S100PBP: variants seen among roughly 807,000 people sequenced by gnomAD.
S100PBP encodes S100P-binding protein.
In S100PBP, 15 loss-of-function variants were observed where a neutral mutation model predicts 39.9. That is an observed-to-expected ratio of 0.38 (90% CI 0.25 to 0.58). The LOEUF (loss-of-function observed/expected upper bound fraction) is 0.58, where lower values mean the gene tolerates loss of function less well. S100PBP is among the 20% of genes least tolerant of loss of function. The probability of loss-of-function intolerance (pLI) is 0.70; values close to 1 mark genes in which losing one functional copy is unlikely to be tolerated. For synonymous variants in S100PBP, 178 were observed against 180.3 expected, an observed-to-expected ratio of 0.99 and a Z score of 0.10; for missense variants, 504 against 487.3, an observed-to-expected ratio of 1.03 and a Z score of -0.32.
chr1:32,850,520 A>G (rs1640565288), intron 5 of S100PBP, among the ~76,000 whole-genome samples: 1 of 152,136 alleles, frequency 6.6e-6, no homozygotes, highest in African/African-American at 2.4e-5. Flanking sequence ...TTTCTGATTT[A>G]TTTTTCCTTC....
intron 5 of S100PBP, chr1:32,835,598 TC>T (rs1180860943): frequency 2.0e-5 from 3 of 152,128 alleles, no homozygotes; most frequent in African/African-American, 4.8e-5. Flanking sequence ...CATTCTACTT[TC>T]TTTTTTTTTA....
Position 32,820,664 on chromosome 1 carries a change from T to C in S100PBP, c.-120+2975T>C, listed in dbSNP as rs547086983. Reference sequence around the variant, plus strand: ...GAGTATAATCATTGTATCTTTCCCATTGACTTCATAATTTTAAGATGTTTT... The same window carrying C: ...GAGTATAATCATTGTATCTTTCCCACTGACTTCATAATTTTAAGATGTTTT... On this transcript the variant is annotated intron_variant, in intron 1 of 6. Coordinates refer to ENST00000373475, the MANE Select transcript of S100PBP (RefSeq NM_022753.4). 4 of 152,300 alleles carry C rather than the reference T, an allele frequency of 2.6e-5. No homozygotes were observed. In the East Asian group the frequency reaches 5.8e-4, roughly 22 times the overall value. The allele number at this position is 152,300 out of a possible 1,614,324, so 9.4% of individuals were successfully genotyped here.
rs1334438649 is a variant in S100PBP, at chr1:32,826,560, C to T, written c.461C>T (p.Thr154Ile). The change falls in exon 3 of 7, where the codon ACA becomes ATA. Residue 154 changes from threonine (T) to isoleucine (I), a missense_variant. Transcript: ENST00000373475. ...GTAACTGTTGCACCATTTAATCCAA[C>T]AGTTTGTGATGCTCTGCTTGATAAG... ...IKVTVAPFNP[T>I]VCDALLDKDE... is the part of the protein sequence containing the mutation. 6.2e-7 allele frequency: 1 copy of T among 1,613,864 alleles called. No homozygotes were observed. Among genetic ancestry groups the T allele is most frequent in the South Asian group, 1.1e-5 (1 of 91,088 alleles).
rs982862118 is a variant in S100PBP, at chr1:32,856,773, A to G, written c.*735A>G. ...CATCTTACTTTGACAGAAGACTTAT[A>G]ATACCTTGTGGTCTTGAGACTGGTT... On this transcript the variant is annotated 3_prime_UTR_variant, in exon 7 of 7. Transcript: ENST00000373475. The G allele has an allele frequency of 6.6e-6, 1 of 152,378 alleles. No homozygotes were observed. Among genetic ancestry groups the G allele is most frequent in the Non-Finnish European group, 1.5e-5 (1 of 68,034 alleles). 9.4% of individuals were successfully genotyped at this position (152,378 alleles called of 1,614,324 possible). A position where few individuals can be genotyped will look rare whatever the true frequency, so the allele number is the denominator to read the frequency against.
intron 1 of S100PBP, among the ~76,000 whole-genome samples, chr1:32,821,458 G>A (rs1411177696): frequency 6.6e-6 from 1 of 151,548 alleles, no homozygotes; most frequent in Admixed American, 6.6e-5. Context: ...AATAGCTGGG[G>A]TTATAGGTGC....
At chr1:32,829,314 T>G (rs1639482215) in intron 4 of S100PBP, among the ~76,000 whole-genome samples, 1 of 152,234 alleles carries the variant, frequency 6.6e-6, no homozygotes. Context: ...CTTTATCCCA[T>G]TTAACTTTTC....
At chr1:32,817,014 G>A (rs77572572), upstream of S100PBP, 5,995 of 796,612 alleles carry the variant, frequency 7.5e-3, 251 homozygotes, top group African/African-American at 0.09. Flanking sequence ...GGGAACCCAG[G>A]GAAGGGCTGC....
chr1:32,832,995 T>TA (rs397717233), intron 5 of S100PBP, among the ~76,000 whole-genome samples: 22 of 152,116 alleles, frequency 1.4e-4, no homozygotes, highest in African/African-American at 5.3e-4. Context: ...GTTTTTTTTT[T>TA]ATAATAACAC....
chr1:32,818,447 C>G lies in S100PBP; in HGVS notation c.-120+758C>G, dbSNP rs967557940. 6 of 152,290 alleles carry G rather than the reference C, an allele frequency of 3.9e-5. No individual in the cohort carries two copies. The East Asian group carries it at 1.2e-3, about 29-fold the overall frequency. The allele number at this position is 152,290 out of a possible 1,614,324, so 9.4% of individuals were successfully genotyped here. On this transcript the variant is annotated intron_variant, in intron 1 of 6. Transcript: ENST00000373475. ...GAAAGCAGTTATTACCTCAGTGGGCCCTGGAAAGGTCCTAGAAGTGGTTGA... is the reference window on the plus strand; with the variant it reads ...GAAAGCAGTTATTACCTCAGTGGGCGCTGGAAAGGTCCTAGAAGTGGTTGA...
Position 32,853,123 on chromosome 1 carries a change from A to C in S100PBP, c.1069A>C (p.Met357Leu), listed in dbSNP as rs758931163. The change falls in exon 6 of 7, where the codon ATG (methionine) becomes CTG (leucine). Residue 357 changes from methionine to leucine, a missense_variant. Met to Leu is a conservative substitution (Grantham distance 15). Coordinates refer to ENST00000373475, the MANE Select transcript of S100PBP (RefSeq NM_022753.4). ...LCALMDQVHH[M>L]QHSKWQHPSD... Reference sequence around the variant, plus strand: ...TGCCTTGATGGATCAAGTTCATCATATGCAGCACTCAAAATGGCAGCATCC... The same window carrying C: ...TGCCTTGATGGATCAAGTTCATCATCTGCAGCACTCAAAATGGCAGCATCC... 2 of 1,613,424 alleles carry C rather than the reference A, an allele frequency of 1.2e-6. No individual in the cohort carries two copies. The highest frequency in any genetic ancestry group is 1.7e-6 in the Non-Finnish European group (2 of 1,179,868).
chr1:32,819,988 G>A (rs191088870), intron 1 of S100PBP, among the ~76,000 whole-genome samples: 9 of 152,030 alleles, frequency 5.9e-5, no homozygotes, highest in East Asian at 1.9e-4. Context: ...ATAATTTGCC[G>A]GATATTTCAG....
chr1:32,853,493 TG>T lies in S100PBP; in HGVS notation c.1112+337del, dbSNP rs4011934. ...CTAAAAAAAAAAAAAGAAAAGGCGG[TG>T]GGGGGGGGGCGCGTGAAATTTGGCT... On this transcript the variant is annotated intron_variant, in intron 6 of 6. Transcript: ENST00000373475. Among the ~76,000 whole-genome samples, 599 of 138,360 alleles carry T rather than the reference TG, an allele frequency of 4.3e-3. 5 individuals are homozygous for T. The highest frequency in any genetic ancestry group is 0.018 in the Middle Eastern group (5 of 272). 90.8% of individuals were successfully genotyped at this position (138,360 alleles called of 152,430 possible). A position where few individuals can be genotyped will look rare whatever the true frequency, so the allele number is the denominator to read the frequency against.
chr1:32,825,037 T>C (rs1639264081), intron 1 of S100PBP: 1 of 152,022 alleles, frequency 6.6e-6, no homozygotes, highest in Non-Finnish European at 1.5e-5. Flanking sequence ...GTCTTTGGAC[T>C]CCCATGCCAG....
At chr1:32,836,941 A>C (rs1292532172) in intron 5 of S100PBP, 1 of 152,010 alleles carries the variant, frequency 6.6e-6, no homozygotes, top group East Asian at 1.9e-4. Flanking sequence ...ATTTTTGCTC[A>C]GAAATTTGAA....
At chr1:32,833,370 C>CT (rs747323217) in intron 5 of S100PBP, among the ~76,000 whole-genome samples, 2,480 of 141,122 alleles carry the variant, frequency 0.018, 50 homozygotes, top group African/African-American at 0.048. Context: ...TTATTATTTT[C>CT]TTTTTTTTTT....
chr1:32,844,499 T>TG (rs1421268503), intron 5 of S100PBP, among the ~76,000 whole-genome samples: 1 of 152,134 alleles, frequency 6.6e-6, no homozygotes, highest in African/African-American at 2.4e-5. Context: ...TTTTATGAGA[T>TG]GGGGTCTGGT....
upstream of S100PBP, chr1:32,817,119 T>C (rs1455004761): frequency 1.9e-6 from 3 of 1,595,464 alleles, no homozygotes; most frequent in Non-Finnish European, 2.6e-6. Context: ...AACCCCGTAA[T>C]GGGGCTCAAA....
intron 5 of S100PBP, among the ~76,000 whole-genome samples, chr1:32,848,088 C>T (rs1299577575): frequency 6.6e-6 from 1 of 152,090 alleles, no homozygotes; most frequent in South Asian, 2.1e-4. Context: ...GTGGGTGGAT[C>T]ATGAAGTCAG....
intron 5 of S100PBP, among the ~76,000 whole-genome samples, chr1:32,831,512 T>G (rs185925139): frequency 1.4e-4 from 22 of 152,278 alleles, no homozygotes; most frequent in African/African-American, 5.1e-4. Context: ...TGTAGTAGTT[T>G]TTCTTGTTTG....
Sources: gnomAD v4.1 joint callset for allele counts (sites outside exome capture counted in the v4.1 genomes callset) on GRCh38, gnomAD v4.1.1 for gene constraint, MANE v1.5 for transcripts, NCBI Gene and HGNC (gene_info 2026-07-23, HGNC 2026-07-21) for gene names.